Variants in DSCAM observed in about 807,000 individuals in gnomAD.
DSCAM encodes the protein DS cell adhesion molecule.
In DSCAM, 47 loss-of-function variants were observed where a neutral mutation model predicts 217.7. That is an observed-to-expected ratio of 0.22 (90% CI 0.17 to 0.28). DSCAM has a LOEUF of 0.28. Among genes scored for constraint, DSCAM ranks in the 10% least tolerant of loss-of-function variants. The probability of loss-of-function intolerance (pLI) is 1.00; values close to 1 mark genes in which losing one functional copy is unlikely to be tolerated. For synonymous variants in DSCAM, 1,056 were observed against 1,015.3 expected, an observed-to-expected ratio of 1.04 and a Z score of -0.76; for missense variants, 2,080 against 2,618.3, an observed-to-expected ratio of 0.79 and a Z score of 4.49.
At chr21:40,486,316 T>A (rs915962309) in intron 3 of DSCAM, among the ~76,000 whole-genome samples, 1 of 152,166 alleles carries the variant, frequency 6.6e-6, no homozygotes, top group Non-Finnish European at 1.5e-5. Flanking sequence ...TACTGGCTGG[T>A]CCTTCCCCTC....
At chr21:40,669,094 T>G (rs1225491621) in intron 3 of DSCAM, among the ~76,000 whole-genome samples, 6 of 152,116 alleles carry the variant, frequency 3.9e-5, no homozygotes, top group Non-Finnish European at 8.8e-5. Flanking sequence ...GAGTCGGTGG[T>G]CACTAAATAT....
rs1158598331 is a variant in DSCAM, at chr21:40,545,090, A to C, written c.508+147720T>G. ...GGATGAAGCCCTCAAGAATGAGATT[A>C]GTGCCCTTATGAAAAGACATGAGAG... On this transcript the variant is annotated intron_variant, in intron 3 of 32. Coordinates refer to ENST00000400454, the MANE Select transcript of DSCAM (RefSeq NM_001389.5). 2.0e-5 allele frequency among the ~76,000 whole-genome samples: 3 copies of C among 152,196 alleles called. No individual in the cohort carries two copies. In the East Asian group the frequency reaches 5.8e-4, roughly 29 times the overall value.
intron 10 of DSCAM, among the ~76,000 whole-genome samples, chr21:40,289,181 C>T (rs2073862177): frequency 6.6e-6 from 1 of 152,156 alleles, no homozygotes; most frequent in Non-Finnish European, 1.5e-5. Flanking sequence ...AGCTAAACTT[C>T]CAGCTACAGA....
intron 3 of DSCAM, chr21:40,629,445 AC>A (rs1448642678): frequency 6.6e-6 from 1 of 152,236 alleles, no homozygotes; most frequent in Admixed American, 6.5e-5. Context: ...ATATCTATCA[AC>A]CATTGAAGCC....
intron 1 of DSCAM, among the ~76,000 whole-genome samples, chr21:40,714,832 A>G (rs1385949095): frequency 1.3e-5 from 2 of 152,230 alleles, no homozygotes; most frequent in African/African-American, 4.8e-5. Flanking sequence ...CACGATTTGA[A>G]TGTTCCTGCC....
At chr21:40,317,509 C>T (rs777279170) in intron 8 of DSCAM, among the ~76,000 whole-genome samples, 97 of 151,920 alleles carry the variant, frequency 6.4e-4, no homozygotes, top group Non-Finnish European at 1.2e-3. Flanking sequence ...TAAATAGTGT[C>T]CTGTTCTTTT....
chr21:40,038,747 G>T, intron 32 of DSCAM, among the ~76,000 whole-genome samples: 1 of 145,244 alleles, frequency 6.9e-6, no homozygotes. Flanking sequence ...ATTCACAATA[G>T]CAAAGACTTG....
At chr21:40,755,833 C>A (rs192317855) in intron 1 of DSCAM, among the ~76,000 whole-genome samples, 1 of 152,190 alleles carries the variant, frequency 6.6e-6, no homozygotes, top group Non-Finnish European at 1.5e-5. Context: ...ATTCTGTCAT[C>A]CTTCATGCAT....
intron 26 of DSCAM, 139 bp from the exon 27 acceptor site, chr21:40,075,352 T>C (rs1201987744): frequency 6.5e-6 from 6 of 918,272 alleles, no homozygotes; most frequent in Admixed American, 2.9e-5. Flanking sequence ...ACTCTGTCTC[T>C]AGGCCCTGGC....
At chr21:40,671,692 C>CAAAAAAAAAA (rs71330402) in intron 3 of DSCAM, among the ~76,000 whole-genome samples, 1 of 108,974 alleles carries the variant, frequency 9.2e-6, no homozygotes, top group African/African-American at 3.6e-5. Flanking sequence ...ATTCCTTAAA[C>CAAAAAAAAAA]AAAAAAAAAA....
At chr21:40,072,798 T>C (rs1295832854) in intron 27 of DSCAM, among the ~76,000 whole-genome samples, 1 of 152,208 alleles carries the variant, frequency 6.6e-6, no homozygotes, top group Non-Finnish European at 1.5e-5. Context: ...CCCTCAGCAC[T>C]TACTTTCTTC....
intron 21 of DSCAM, among the ~76,000 whole-genome samples, chr21:40,093,150 G>A (rs1367034290): frequency 6.6e-6 from 1 of 152,180 alleles, no homozygotes; most frequent in Non-Finnish European, 1.5e-5. Flanking sequence ...ATTACCAGAA[G>A]AGCAAGAATA....
At chr21:40,020,417 G>A (rs1269872650) in intron 32 of DSCAM, among the ~76,000 whole-genome samples, 1 of 152,038 alleles carries the variant, frequency 6.6e-6, no homozygotes, top group African/African-American at 2.4e-5. Context: ...GAAATCAAAG[G>A]CATAGAAAAG....
Position 40,312,173 on chromosome 21 carries a change from G to A in DSCAM, c.1970C>T (p.Ser657Phe). The A allele has an allele frequency of 3.1e-6, 5 of 1,614,022 alleles. No homozygotes were observed. Among genetic ancestry groups the A allele is most frequent in the Non-Finnish European group, 4.2e-6 (5 of 1,180,002 alleles). The change falls in exon 9 of 33, where the codon TCC becomes TTC. Residue 657 changes from serine to phenylalanine, a missense_variant. Physicochemically the swap from Ser to Phe is radical, Grantham distance 155 (BLOSUM62 -2). Transcript: ENST00000400454. ...CCCATTGTGCATGAGCGAGAGATTG[G>A]AAATCCTCAAGGAGCTCGTGAAGTC... ...NIDFTSSLRI[S>F]NLSLMHNGNY...
At chr21:40,335,409 A>C (rs1267734190) in intron 8 of DSCAM, among the ~76,000 whole-genome samples, 1 of 152,220 alleles carries the variant, frequency 6.6e-6, no homozygotes, top group African/African-American at 2.4e-5. Flanking sequence ...AAGAGACAAT[A>C]AATTATTCTT....
At chr21:40,380,292 T>A (rs143378815) in intron 3 of DSCAM, among the ~76,000 whole-genome samples, 1 of 152,352 alleles carries the variant, frequency 6.6e-6, no homozygotes, top group African/African-American at 2.4e-5. Context: ...AAATAATGAA[T>A]CCTTAGAAAG....
intron 1 of DSCAM, among the ~76,000 whole-genome samples, chr21:40,821,391 G>GTGCA (rs1192385973): frequency 2.1e-5 from 3 of 143,504 alleles, no homozygotes; most frequent in Admixed American, 7.4e-5. Context: ...AGACACACGC[G>GTGCA]CGCACACACA....
At chr21:40,538,300 C>CA (rs11397748) in intron 3 of DSCAM, among the ~76,000 whole-genome samples, 42,943 of 151,860 alleles carry the variant, frequency 0.28, 8,151 homozygotes, top group African/African-American at 0.52. Flanking sequence ...AAGCTAACCC[C>CA]GTGCACAGCA....
chr21:40,056,749 A>G (rs74826511), intron 28 of DSCAM, among the ~76,000 whole-genome samples: 5,440 of 152,296 alleles, frequency 0.036, 163 homozygotes, highest in African/African-American at 0.078. Flanking sequence ...GCATCCATCA[A>G]TCCAGCTCAA....
Sources: gnomAD v4.1 joint callset for allele counts (sites outside exome capture counted in the v4.1 genomes callset) on GRCh38, gnomAD v4.1.1 for gene constraint, MANE v1.5 for transcripts, NCBI Gene and HGNC (gene_info 2026-07-23, HGNC 2026-07-21) for gene names.